TENM4: variants seen among roughly 807,000 people sequenced by gnomAD.
The protein encoded by TENM4 is teneurin-4.
In TENM4, 82 loss-of-function variants were observed where a neutral mutation model predicts 243.3. The ratio of observed to expected loss-of-function variants is 0.34; its 90% CI spans 0.28 to 0.40. The LOEUF (loss-of-function observed/expected upper bound fraction) is 0.40. Ranked by LOEUF, TENM4 falls within the 10% of genes least tolerant of loss-of-function variation. The probability of loss-of-function intolerance (pLI) is 1.00; values close to 1 mark genes in which losing one functional copy is unlikely to be tolerated. For synonymous variants in TENM4, 1,412 were observed against 1,456.3 expected (o/e 0.97, Z 0.69); for missense variants, 3,138 against 3,673.3 (o/e 0.85, Z 3.77).
At chr11:78,947,146 A>C (rs1470772334) in intron 6 of TENM4, among the ~76,000 whole-genome samples, 2 of 152,234 alleles carry the variant, frequency 1.3e-5, no homozygotes, top group African/African-American at 4.8e-5. Context: ...TCGATACATG[A>C]GGCAAACTTC....
At chr11:79,325,558 C>G (rs538066510) in intron 1 of TENM4, among the ~76,000 whole-genome samples, 1 of 152,178 alleles carries the variant, frequency 6.6e-6, no homozygotes, top group East Asian at 1.9e-4. Flanking sequence ...ACAGCTGCAT[C>G]CTCCCCTGTC....
At chr11:79,328,271 G>C (rs542729240) in intron 1 of TENM4, among the ~76,000 whole-genome samples, 8 of 152,282 alleles carry the variant, frequency 5.3e-5, no homozygotes, top group Admixed American at 1.3e-4. Context: ...AAGATCAAGT[G>C]ACTTACCCAG....
intron 2 of TENM4, among the ~76,000 whole-genome samples, chr11:79,241,086 C>T (rs1187083447): frequency 6.6e-6 from 1 of 151,662 alleles, no homozygotes; most frequent in African/African-American, 2.4e-5. Context: ...TGCTGAGTGG[C>T]TTGAAAAGAA....
At chr11:79,192,662 T>C (rs1863540940) in intron 3 of TENM4, among the ~76,000 whole-genome samples, 6 of 151,996 alleles carry the variant, frequency 3.9e-5, no homozygotes, top group Admixed American at 3.9e-4. Flanking sequence ...TTTGTTCACT[T>C]GTTTGTCTGC....
intron 25 of TENM4, among the ~76,000 whole-genome samples, chr11:78,719,700 G>C (rs1859601772): frequency 6.6e-6 from 1 of 152,184 alleles, no homozygotes; most frequent in African/African-American, 2.4e-5. Flanking sequence ...TGCTATCCAG[G>C]AGTCAGGTGA....
intron 7 of TENM4, among the ~76,000 whole-genome samples, chr11:78,898,313 T>A (rs1855843421): frequency 6.6e-6 from 1 of 152,250 alleles, no homozygotes; most frequent in African/African-American, 2.4e-5. Flanking sequence ...TCTGCCAGCA[T>A]GAAATCTAAA....
At chr11:78,780,959 G>C (rs1188538082) in intron 16 of TENM4, among the ~76,000 whole-genome samples, 1 of 152,084 alleles carries the variant, frequency 6.6e-6, no homozygotes, top group Non-Finnish European at 1.5e-5. Context: ...TTGCTACAAA[G>C]AGCCCCCGAG....
chr11:79,098,255 C>T lies in TENM4; in HGVS notation c.-65-28246G>A, dbSNP rs115481298. Among the ~76,000 whole-genome samples, 338 of 143,894 alleles carry T rather than the reference C, an allele frequency of 2.3e-3. 3 individuals carry two copies. The highest frequency in any genetic ancestry group is 8.3e-3 in the African/African-American group (324 of 39,008). 94.4% of individuals were successfully genotyped at this position (143,894 alleles called of 152,430 possible). On this transcript the variant is annotated intron_variant, in intron 4 of 33. Transcript: ENST00000278550. ...CATCTCCCAGCTCAGTGAGAATCAT[C>T]TTTCACAGTTTGATCACATCACTCC...
chr11:78,903,119 GGGAACC>G, intron 7 of TENM4, 143 bp downstream of exon 7: 1 of 1,174,542 alleles, frequency 8.5e-7, no homozygotes, highest in Non-Finnish European at 1.1e-6. Context: ...CTGGCAGTCA[GGGAACC>G]GCATCCCTAA....
intron 6 of TENM4, among the ~76,000 whole-genome samples, chr11:79,053,459 C>T (rs530337524): frequency 6.6e-6 from 1 of 152,338 alleles, no homozygotes; most frequent in Non-Finnish European, 1.5e-5. Context: ...AAAGGCTGAA[C>T]CCTTGAGCCA....
intron 6 of TENM4, among the ~76,000 whole-genome samples, chr11:79,050,368 G>T (rs541187900): frequency 1.5e-4 from 23 of 152,324 alleles, no homozygotes; most frequent in African/African-American, 4.8e-4. Context: ...AATCCTTTGG[G>T]CTTAAGCGGT....
At chr11:78,968,308 G>T (rs1857477111) in intron 6 of TENM4, among the ~76,000 whole-genome samples, 2 of 152,106 alleles carry the variant, frequency 1.3e-5, no homozygotes, top group African/African-American at 4.8e-5. Flanking sequence ...TGTTTGAGAT[G>T]GGGTCTTACT....
rs143384809 is a variant in TENM4 at position 79,021,176 on chromosome 11, C to T, written c.493+43562G>A. Among the ~76,000 whole-genome samples the T allele has an allele frequency of 1.1e-4, 16 of 152,294 alleles. No individual in the cohort carries two copies. In the East Asian group the frequency reaches 3.1e-3, roughly 29 times the overall value. On this transcript the variant is annotated intron_variant, in intron 6 of 33. Coordinates refer to ENST00000278550, the MANE Select transcript of TENM4 (RefSeq NM_001098816.3). ...AAAGTGACTCTTTATTCTACCCAGC[C>T]CTCATCACAACTAAACTTGAGGGTT...
chr11:78,854,071 T>A, intron 12 of TENM4, 33 bp downstream of exon 12: 1 of 1,535,382 alleles, frequency 6.5e-7, no homozygotes. Context: ...AGAGACAATA[T>A]CCCACAGCCC....
intron 1 of TENM4, among the ~76,000 whole-genome samples, chr11:79,341,166 C>T (rs1857235454): frequency 6.6e-6 from 1 of 152,148 alleles, no homozygotes; most frequent in South Asian, 2.1e-4. Context: ...CGCCTTTACC[C>T]CAGCGAGACT....
intron 22 of TENM4, among the ~76,000 whole-genome samples, chr11:78,727,397 C>T (rs1334023806): frequency 6.0e-5 from 9 of 149,060 alleles, no homozygotes; most frequent in Non-Finnish European, 1.2e-4. Flanking sequence ...CAGTGAGCCA[C>T]TGCATTCCAT....
intron 1 of TENM4, among the ~76,000 whole-genome samples, chr11:79,374,743 G>GA (rs201147746): frequency 9.2e-5 from 14 of 151,828 alleles, no homozygotes; most frequent in Non-Finnish European, 1.6e-4. Context: ...TAGTTTAAGA[G>GA]AAAAAAATGA....
intron 3 of TENM4, among the ~76,000 whole-genome samples, chr11:79,166,070 G>A (rs1037208764): frequency 1.3e-5 from 2 of 152,138 alleles, no homozygotes; most frequent in East Asian, 3.8e-4. Flanking sequence ...GTGTCCTTAA[G>A]GTCCAGAAGA....
chr11:79,255,679 A>G (rs1855689833), intron 2 of TENM4, among the ~76,000 whole-genome samples: 1 of 152,270 alleles, frequency 6.6e-6, no homozygotes, highest in South Asian at 2.1e-4. Flanking sequence ...CTACAGGCAG[A>G]AAGAGATAAC....
Sources: allele counts gnomAD v4.1 joint callset (sites outside exome capture counted in the v4.1 genomes callset), GRCh38; gene constraint gnomAD v4.1.1; transcripts MANE v1.5; gene names NCBI Gene and HGNC (gene_info 2026-07-23, HGNC 2026-07-21).